The following ERBB4 variants were observed in gnomAD, a reference collection of about 807,000 sequenced individuals.
The protein encoded by ERBB4 is erb-b2 receptor tyrosine kinase 4.
A neutral mutation model predicts 158.0 loss-of-function variants in ERBB4; 42 were observed. That is an observed-to-expected ratio of 0.27 (90% confidence interval 0.21 to 0.34). ERBB4 has a LOEUF of 0.34. Ranked by LOEUF, ERBB4 falls within the 10% of genes least tolerant of loss-of-function variation. The pLI is 1.00. For synonymous variants in ERBB4, 583 were observed against 558.7 expected (o/e 1.04, Z -0.61); for missense variants, 1,333 against 1,624.1 (o/e 0.82, Z 3.08).
rs760024138 is a variant in ERBB4, at chr2:211,549,419, T to C, written c.2487+12484A>G. Among the ~76,000 whole-genome samples the C allele has an allele frequency of 2.0e-5, 3 of 152,072 alleles. No individual in the cohort carries two copies. In the South Asian group the frequency reaches 6.2e-4, roughly 31 times the overall value. On this transcript the variant is annotated intron_variant, in intron 20 of 27. Coordinates refer to ENST00000342788, the MANE Select transcript of ERBB4 (RefSeq NM_005235.3). Reference sequence around the variant, plus strand: ...GTGGGATTGGGTAGGGAGACCTATGTTCCTACGGTCACACTGCACCCACAA... The same window carrying C: ...GTGGGATTGGGTAGGGAGACCTATGCTCCTACGGTCACACTGCACCCACAA...
At chr2:212,191,780 G>GTTATGCA (rs1475188138) in intron 1 of ERBB4, among the ~76,000 whole-genome samples, 2 of 132,408 alleles carry the variant, frequency 1.5e-5, no homozygotes, top group Non-Finnish European at 3.1e-5. Flanking sequence ...TATAACACGT[G>GTTATGCA]TGTTATATGT....
chr2:212,470,376 C>T (rs1574980199), intron 1 of ERBB4, among the ~76,000 whole-genome samples: 1 of 152,074 alleles, frequency 6.6e-6, no homozygotes, highest in South Asian at 2.1e-4. Flanking sequence ...TTTCTGCTTA[C>T]TCCAACTACG....
chr2:211,703,669 G>C (rs1036524977), intron 11 of ERBB4, among the ~76,000 whole-genome samples: 1 of 152,132 alleles, frequency 6.6e-6, no homozygotes, highest in South Asian at 2.1e-4. Flanking sequence ...AGTGGTGGAC[G>C]AGTTCCTAAA....
intron 3 of ERBB4, among the ~76,000 whole-genome samples, chr2:211,859,354 C>A (rs1241753746): frequency 1.3e-5 from 2 of 152,082 alleles, no homozygotes; most frequent in Non-Finnish European, 2.9e-5. Context: ...GTTATCACAT[C>A]CCTATCTGGT....
At chr2:211,993,000 T>A (rs1025525128) in intron 2 of ERBB4, among the ~76,000 whole-genome samples, 1 of 152,202 alleles carries the variant, frequency 6.6e-6, no homozygotes, top group Non-Finnish European at 1.5e-5. Flanking sequence ...CTCAGTCATG[T>A]GTCAGTGAGT....
chr2:211,705,226 A>G, intron 10 of ERBB4, 92 bp downstream of exon 10: 2 of 874,082 alleles, frequency 2.3e-6, no homozygotes, highest in Non-Finnish European at 3.9e-6. Context: ...TGCTGGGATT[A>G]CTGGTGTGAG....
chr2:212,224,650 AC>A (rs1232434262), intron 1 of ERBB4, among the ~76,000 whole-genome samples: 1 of 151,934 alleles, frequency 6.6e-6, no homozygotes, highest in East Asian at 1.9e-4. Context: ...CCCCCTTCCC[AC>A]TCCCAGCTGA....
At chr2:212,368,632 A>C (rs905778453) in intron 1 of ERBB4, among the ~76,000 whole-genome samples, 2 of 152,090 alleles carry the variant, frequency 1.3e-5, no homozygotes, top group African/African-American at 4.8e-5. Context: ...GTAACTGCAT[A>C]GCTGTTTGAG....
intron 1 of ERBB4, among the ~76,000 whole-genome samples, chr2:212,224,799 G>T (rs1356992815): frequency 6.6e-6 from 1 of 151,912 alleles, no homozygotes; most frequent in Non-Finnish European, 1.5e-5. Context: ...AGCACAGAAT[G>T]ATGTAACTGA....
intron 25 of ERBB4, among the ~76,000 whole-genome samples, chr2:211,414,323 C>CCTGT (rs1302619746): frequency 5.9e-5 from 9 of 151,702 alleles, no homozygotes; most frequent in African/African-American, 2.2e-4. Context: ...CAGGTGAAAC[C>CCTGT]CTGTCTCTAC....
chr2:212,149,667 T>C (rs2080807771), intron 1 of ERBB4, among the ~76,000 whole-genome samples: 1 of 152,168 alleles, frequency 6.6e-6, no homozygotes, highest in Non-Finnish European at 1.5e-5. Flanking sequence ...AACCCTTCCA[T>C]TAGCCCTGTT....
At chr2:212,403,416 A>G (rs977016096) in intron 1 of ERBB4, among the ~76,000 whole-genome samples, 2 of 152,094 alleles carry the variant, frequency 1.3e-5, no homozygotes, top group Admixed American at 6.6e-5. Flanking sequence ...AAGAATTATA[A>G]TCAGAATCTC....
chr2:211,410,052 G>GA (rs918590024), intron 25 of ERBB4, among the ~76,000 whole-genome samples: 4 of 152,070 alleles, frequency 2.6e-5, no homozygotes, highest in African/African-American at 9.7e-5. Context: ...TCTATTCAGA[G>GA]AAAATCTAGT....
At chr2:212,262,109 C>CT (rs1439339657) in intron 1 of ERBB4, among the ~76,000 whole-genome samples, 1 of 152,130 alleles carries the variant, frequency 6.6e-6, no homozygotes, top group Admixed American at 6.6e-5. Flanking sequence ...GCTGTGTACT[C>CT]TGACCACCTC....
At chr2:212,275,104 A>G (rs1326039840) in intron 1 of ERBB4, among the ~76,000 whole-genome samples, 1 of 151,954 alleles carries the variant, frequency 6.6e-6, no homozygotes, top group Non-Finnish European at 1.5e-5. Context: ...ATATGAACTC[A>G]TCCTTTTTTA....
At chr2:211,581,581 T>C (rs530672758) in intron 19 of ERBB4, among the ~76,000 whole-genome samples, 68 of 152,334 alleles carry the variant, frequency 4.5e-4, no homozygotes, top group Non-Finnish European at 8.1e-4. Flanking sequence ...TCATTCTCTG[T>C]AGTGGGGAAT....
intron 1 of ERBB4, among the ~76,000 whole-genome samples, chr2:212,366,900 G>C (rs13031888): frequency 0.17 from 25,788 of 151,876 alleles, 2,505 homozygotes; most frequent in South Asian, 0.25. Context: ...ATTGATAAAT[G>C]ATCTCTCTAT....
In ERBB4 at chr2:211,485,066, G is replaced by C. The variant is rs137930783; in HGVS notation, c.2488-53966C>G. On this transcript the variant is annotated intron_variant, in intron 20 of 27. Transcript: ENST00000342788. ...TCCATCAGACCATCCACATGGGCCA[G>C]AGTATTGGAAGGACTGTTACACAAA... 2.9e-3 allele frequency among the ~76,000 whole-genome samples: 437 copies of C among 152,310 alleles called. 6 individuals are homozygous for C. Among genetic ancestry groups the C allele is most frequent in the Non-Finnish European group, 1.4e-3 (93 of 68,020 alleles).
intron 2 of ERBB4, among the ~76,000 whole-genome samples, chr2:212,095,748 C>T (rs527838943): frequency 4.0e-5 from 6 of 151,758 alleles, no homozygotes; most frequent in Non-Finnish European, 8.8e-5. Context: ...CTGGCTAACA[C>T]GGTGAAACCC....
Sources: gnomAD v4.1 joint callset for allele counts (sites outside exome capture counted in the v4.1 genomes callset) on GRCh38, gnomAD v4.1.1 for gene constraint, MANE v1.5 for transcripts, NCBI Gene and HGNC (gene_info 2026-07-23, HGNC 2026-07-21) for gene names.